PTPRR: variants seen among roughly 807,000 people sequenced by gnomAD.
PTPRR encodes the protein protein tyrosine phosphatase receptor type R.
In PTPRR, 38 loss-of-function variants were observed where a neutral mutation model predicts 77.2. That is an observed-to-expected ratio of 0.49 (90% CI 0.38 to 0.65). The LOEUF is 0.65. Among genes scored for constraint, PTPRR ranks in the 30% least tolerant of loss-of-function variants. The probability of loss-of-function intolerance (pLI) is 0.00; values close to 1 mark genes in which losing one functional copy is unlikely to be tolerated. For synonymous variants in PTPRR, 299 were observed against 283.1 expected (o/e 1.06, Z -0.57); for missense variants, 744 against 799.2 (o/e 0.93, Z 0.83).
At chr12:70,654,435 G>A (rs77946763) in intron 13 of PTPRR, among the ~76,000 whole-genome samples, 9,891 of 152,176 alleles carry the variant, frequency 0.065, 479 homozygotes, top group Admixed American at 0.15. Context: ...AAACTCAGCT[G>A]AGTGTGGCAC....
In PTPRR at chr12:70,764,786, A is replaced by G; in HGVS notation, c.358-8T>C. On this transcript the variant is annotated splice_region_variant and splice_polypyrimidine_tract_variant and intron_variant, in intron 2 of 13. Transcript: ENST00000283228. ...TACATCCATTTGCAGTGTCTAGAAA[A>G]TAAGGACAAAAATAAATCCAAATTA... 1 of 1,589,166 alleles carries G rather than the reference A, an allele frequency of 6.3e-7. No individual in the cohort carries two copies. The highest frequency in any genetic ancestry group is 8.6e-7 in the Non-Finnish European group (1 of 1,157,196).
intron 13 of PTPRR, among the ~76,000 whole-genome samples, chr12:70,643,947 A>G (rs1886103722): frequency 6.6e-6 from 1 of 152,066 alleles, no homozygotes; most frequent in East Asian, 1.9e-4. Context: ...AGTGAAACTT[A>G]CCTCAGGTTC....
Position 70,840,041 on chromosome 12 carries a change from C to T in PTPRR, c.357+52638G>A, listed in dbSNP as rs74102027. 2.1e-3 allele frequency among the ~76,000 whole-genome samples: 315 copies of T among 152,220 alleles called. 2 individuals carry two copies. The highest frequency in any genetic ancestry group is 7.5e-3 in the African/African-American group (312 of 41,538). ...TCCTGATTGCCACTGTATTAATTTC[C>T]TATCATTGCCATAATGAATTACCTC... On this transcript the variant is annotated intron_variant, in intron 2 of 13. Coordinates refer to ENST00000283228, the MANE Select transcript of PTPRR (RefSeq NM_002849.4).
chr12:70,897,074 A>G (rs1389001896), intron 1 of PTPRR, among the ~76,000 whole-genome samples: 4 of 151,752 alleles, frequency 2.6e-5, no homozygotes, highest in Non-Finnish European at 5.9e-5. Flanking sequence ...CGTTTGGCTT[A>G]GGATTGACTT....
chr12:70,698,148 A>C (rs1167051275), intron 8 of PTPRR, 117 bp downstream of exon 8: 2 of 723,094 alleles, frequency 2.8e-6, no homozygotes, highest in Non-Finnish European at 4.7e-6. Flanking sequence ...TACATGTGCC[A>C]TTGTGGTTTG....
chr12:70,711,013 CAG>C (rs2136813723), intron 6 of PTPRR, among the ~76,000 whole-genome samples: 1 of 152,174 alleles, frequency 6.6e-6, no homozygotes, highest in African/African-American at 2.4e-5. Context: ...GACCTATAGA[CAG>C]AAATATCATT....
chr12:70,834,363 C>T (rs1197608179), intron 2 of PTPRR, among the ~76,000 whole-genome samples: 1 of 152,096 alleles, frequency 6.6e-6, no homozygotes, highest in Non-Finnish European at 1.5e-5. Context: ...CTGCACATCC[C>T]CACATTTCTT....
chr12:70,742,309 G>A (rs1240555094), intron 6 of PTPRR, among the ~76,000 whole-genome samples: 1 of 152,162 alleles, frequency 6.6e-6, no homozygotes, highest in African/African-American at 2.4e-5. Context: ...CTTAGGTTGA[G>A]TTACAGAAAA....
chr12:70,892,956 T>A lies in PTPRR; in HGVS notation c.80A>T (p.Asp27Val), dbSNP rs763687147. The change falls in exon 2 of 14, where the codon GAT (aspartate) becomes GTT (valine). Residue 27 changes from aspartate (D) to valine (V), a missense_variant. Asp to Val is a radical substitution (Grantham distance 152, BLOSUM62 -3). This residue lies in a region of PTPRR where 570 missense variants were observed against 573.2 expected (regional missense o/e 0.99). Transcript: ENST00000283228. ...CTTCTGATTAATTGCCAAAAAATGA[T>A]CATTGTTTCCTGAAAAGCACCCTGA... Reference protein sequence around the residue: ...HAAGCFSGNNDHFLAINQKKS... With the variant: ...HAAGCFSGNNVHFLAINQKKS... 2 of 1,612,772 alleles carry A rather than the reference T, an allele frequency of 1.2e-6. No homozygotes were observed. Among genetic ancestry groups the A allele is most frequent in the Non-Finnish European group, 8.5e-7 (1 of 1,179,164 alleles).
intron 10 of PTPRR, chr12:70,673,018 C>G: frequency 3.1e-6 from 3 of 973,316 alleles, no homozygotes; most frequent in South Asian, 4.6e-5. Context: ...TCAATAAATA[C>G]GTCGGGCCAA....
chr12:70,649,793 T>C (rs1886329078), intron 13 of PTPRR, among the ~76,000 whole-genome samples: 1 of 152,080 alleles, frequency 6.6e-6, no homozygotes, highest in Admixed American at 6.6e-5. Flanking sequence ...CAGGCTGGTT[T>C]TGAACTCCTG....
chr12:70,697,841 A>T (rs961589295), intron 8 of PTPRR, among the ~76,000 whole-genome samples: 2 of 152,182 alleles, frequency 1.3e-5, no homozygotes, highest in African/African-American at 2.4e-5. Flanking sequence ...TCAGGTAGCC[A>T]TAATGTGTGG....
intron 2 of PTPRR, among the ~76,000 whole-genome samples, chr12:70,889,975 A>C (rs1592817340): frequency 6.6e-6 from 1 of 152,160 alleles, no homozygotes; most frequent in African/African-American, 2.4e-5. Flanking sequence ...TTCTTCACTC[A>C]GCAGCCTATG....
chr12:70,656,661 G>T, intron 13 of PTPRR, 43 bp downstream of exon 13: 1 of 1,368,784 alleles, frequency 7.3e-7, no homozygotes, highest in Non-Finnish European at 1.0e-6. Context: ...ATCAGGCTGT[G>T]AATGAAAACA....
chr12:70,893,866 G>A (rs1310180239), intron 1 of PTPRR, among the ~76,000 whole-genome samples: 1 of 151,834 alleles, frequency 6.6e-6, no homozygotes, highest in Non-Finnish European at 1.5e-5. Context: ...TGTTTTACCT[G>A]CTATTATTTT....
chr12:70,796,353 T>C (rs1891514646), intron 2 of PTPRR, among the ~76,000 whole-genome samples: 1 of 152,136 alleles, frequency 6.6e-6, no homozygotes, highest in Non-Finnish European at 1.5e-5. Flanking sequence ...TTTTTTAACA[T>C]TATAGTTTCC....
chr12:70,639,308 T>TGCTAAATAA (rs1885905171), intron 13 of PTPRR, 31 bp from the exon 14 acceptor site: 3 of 1,603,852 alleles, frequency 1.9e-6, no homozygotes, highest in Non-Finnish European at 2.6e-6. Context: ...AATAACTGAT[T>TGCTAAATAA]TTGCTAAAAT....
At chr12:70,834,986 C>T (rs1892276660) in intron 2 of PTPRR, among the ~76,000 whole-genome samples, 1 of 152,048 alleles carries the variant, frequency 6.6e-6, no homozygotes, top group Non-Finnish European at 1.5e-5. Context: ...GATACTTACC[C>T]CTTCTTACAC....
intron 10 of PTPRR, among the ~76,000 whole-genome samples, chr12:70,666,009 CCTGGTGCTCCG>C (rs2136683898): frequency 6.6e-6 from 1 of 152,112 alleles, no homozygotes; most frequent in South Asian, 2.1e-4. Context: ...TACTTTTATT[CCTGGTGCTCCG>C]ATGGAATATT....
Sources: allele counts gnomAD v4.1 joint callset (sites outside exome capture counted in the v4.1 genomes callset), GRCh38; gene constraint gnomAD v4.1.1; regional missense constraint gnomAD v4.1.1; transcripts MANE v1.5; gene names NCBI Gene and HGNC (gene_info 2026-07-23, HGNC 2026-07-21).